FERMT3: variants seen among roughly 807,000 people sequenced by gnomAD.
The protein encoded by FERMT3 is fermitin family homolog 3.
Under a neutral mutation model 80.8 loss-of-function variants are expected in FERMT3, and 33 were observed. The observed-to-expected ratio is 0.41, with a 90% confidence interval of 0.31 to 0.55. The LOEUF is 0.55. Among genes scored for constraint, FERMT3 ranks in the 20% least tolerant of loss-of-function variants. FERMT3 has a pLI of 0.31. For synonymous variants in FERMT3, 375 were observed against 372.2 expected (o/e 1.01, Z -0.09); for missense variants, 754 against 908.7 (o/e 0.83, Z 2.19).
At chr11:64,222,132 G>A (rs557129357) in intron 13 of FERMT3, among the ~76,000 whole-genome samples, 6 of 149,292 alleles carry the variant, frequency 4.0e-5, no homozygotes, top group South Asian at 2.1e-4. Flanking sequence ...CCAGCTACTC[G>A]GGAGGCTGAG....
Position 64,206,783 on chromosome 11 carries a change from C to G in FERMT3, c.-46C>G, listed in dbSNP as rs1946319183. 1 of 154,348 alleles carries G rather than the reference C, an allele frequency of 6.5e-6. No homozygotes were observed. The highest frequency in any genetic ancestry group is 1.8e-4 in the South Asian group (1 of 5,434). 9.6% of individuals were successfully genotyped at this position (154,348 alleles called of 1,614,324 possible). Reference sequence around the variant, plus strand: ...GGCCCACAGGGGTGTAGCCCGAGACCCACCTGCAGCCCCCAGCCCTTGCCA... The same window carrying G: ...GGCCCACAGGGGTGTAGCCCGAGACGCACCTGCAGCCCCCAGCCCTTGCCA... On this transcript the variant is annotated 5_prime_UTR_variant, in exon 1 of 15. Transcript: ENST00000345728.
Position 64,219,633 on chromosome 11 carries a change from A to G in FERMT3, c.1004A>G (p.Glu335Gly). The G allele has an allele frequency of 6.2e-7, 1 of 1,613,234 alleles. No individual in the cohort carries two copies. Among genetic ancestry groups the G allele is most frequent in the Non-Finnish European group, 8.5e-7 (1 of 1,179,926 alleles). Residue 335 changes from glutamate (E) to glycine (G), a missense_variant, in exon 8 of 15, where the codon GAG becomes GGG. Physicochemically the swap from Glu to Gly is moderately conservative, Grantham distance 98 (BLOSUM62 -2). Coordinates refer to ENST00000345728, the MANE Select transcript of FERMT3 (RefSeq NM_031471.6). This position sits in a 1 kb window ranked among gnomAD's most constrained non-coding sequence, Gnocchi z 4.0. ...VALSNLEVKLEGSAPTDVLDS... is the reference protein window; with the variant it reads ...VALSNLEVKLGGSAPTDVLDS... ...CTGAGCAACCTGGAGGTGAAGCTGG[A>G]GGGGTCGGCGCCCACAGATGTGCTG...
intron 10 of FERMT3, 81 bp downstream of exon 10, chr11:64,220,096 T>C (rs1946644404): frequency 1.9e-6 from 3 of 1,592,842 alleles, no homozygotes; most frequent in Non-Finnish European, 1.7e-6. Context: ...CGGCCCTGTT[T>C]CCTCCTGGAG....
At position 64,210,057 on chromosome 11, in the gene FERMT3, T is replaced by G. The variant is rs2134839109; in HGVS notation, c.161-554T>G. 6.6e-6 allele frequency among the ~76,000 whole-genome samples: 1 copy of G among 152,324 alleles called. No homozygotes were observed. Among genetic ancestry groups the G allele is most frequent in the South Asian group, 2.1e-4 (1 of 4,824 alleles). ...TGGGAGGCCTTGTTCCGTGTCCCAG[T>G]TTGTAAGATCGTTATTGTATCTTAC... is the stretch of plus-strand genomic sequence containing the variant. On this transcript the variant is annotated intron_variant, in intron 2 of 14. Transcript: ENST00000345728. The surrounding 1 kb of genome is among the most constrained non-coding windows in gnomAD (Gnocchi z 4.3).
intron 6 of FERMT3, among the ~76,000 whole-genome samples, chr11:64,216,860 G>C (rs1468878935): frequency 6.6e-6 from 1 of 151,398 alleles, no homozygotes; most frequent in Non-Finnish European, 1.5e-5. Flanking sequence ...ACTCTACAAG[G>C]ATTTTGATTC....
rs762262911 is a variant in FERMT3, at chr11:64,219,610, G to C, written c.981G>C (p.Leu327=). 2 of 1,613,042 alleles carry C rather than the reference G, an allele frequency of 1.2e-6. No homozygotes were observed. The highest frequency in any genetic ancestry group is 4.5e-5 in the East Asian group (2 of 44,870). ...GGCTGGACGACCTGGATGTGGCCCT[G>C]AGCAACCTGGAGGTGAAGCTGGAGG... ...DPGLDDLDVA[L]SNLEVKLEGS... is the part of the protein sequence containing the mutation. Residue 327 remains leucine (L), a synonymous_variant, in exon 8 of 15, where the codon CTG becomes CTC. Transcript: ENST00000345728. This position sits in a 1 kb window ranked among gnomAD's most constrained non-coding sequence, Gnocchi z 4.0.
rs202127659 is a variant in FERMT3 at position 64,223,387 on chromosome 11, G to A, written c.1887G>A (p.Glu629=). 1.2e-6 allele frequency: 2 copies of A among 1,614,012 alleles called. No individual in the cohort carries two copies. The highest frequency in any genetic ancestry group is 2.2e-5 in the East Asian group (1 of 44,888). ...CVSASCRIVH[E]YIGGYIFLST... is the part of the protein sequence containing the mutation. ...CTGCCAGCTGCCGAATTGTACACGAGTATATCGGGGGCTACATTTTCCTGT... is the reference window on the plus strand; with the variant it reads ...CTGCCAGCTGCCGAATTGTACACGAATATATCGGGGGCTACATTTTCCTGT... Residue 629 remains glutamate (E), a synonymous_variant, in exon 15 of 15, where the codon GAG becomes GAA. Coordinates refer to ENST00000345728, the MANE Select transcript of FERMT3 (RefSeq NM_031471.6).
At position 64,211,613 on chromosome 11, in the gene FERMT3, C is replaced by A. The variant is rs1323121570; in HGVS notation, c.684-32C>A. The A allele has an allele frequency of 1.2e-6, 2 of 1,609,290 alleles. No individual in the cohort carries two copies. The highest frequency in any genetic ancestry group is 1.7e-6 in the Non-Finnish European group (2 of 1,178,260). Reference sequence around the variant, plus strand: ...CCCCACCCCACGGCCGTACCTGGCGCAGCCCTGACTGCTGCTTCTGCCGCG... The same window carrying A: ...CCCCACCCCACGGCCGTACCTGGCGAAGCCCTGACTGCTGCTTCTGCCGCG... On this transcript the variant is annotated intron_variant, in intron 5 of 14. Coordinates refer to ENST00000345728, the MANE Select transcript of FERMT3 (RefSeq NM_031471.6). The surrounding 1 kb of genome is among the most constrained non-coding windows in gnomAD (Gnocchi z 4.7).
In FERMT3 at chr11:64,219,651, A is replaced by G; in HGVS notation, c.1022A>G (p.Asp341Gly). The G allele has an allele frequency of 6.2e-7, 1 of 1,613,524 alleles. No individual in the cohort carries two copies. The highest frequency in any genetic ancestry group is 8.5e-7 in the Non-Finnish European group (1 of 1,179,922). Reference protein sequence around the residue: ...EVKLEGSAPTDVLDSLTTIPE... With the variant: ...EVKLEGSAPTGVLDSLTTIPE... ...AAGCTGGAGGGGTCGGCGCCCACAGATGTGCTGGTGAGGAGGGGCTCAGGG... is the reference window on the plus strand; with the variant it reads ...AAGCTGGAGGGGTCGGCGCCCACAGGTGTGCTGGTGAGGAGGGGCTCAGGG... The change falls in exon 8 of 15, where the codon GAT becomes GGT. Residue 341 changes from aspartate to glycine, a missense_variant. By Grantham distance (94) the Asp-to-Gly change is moderately conservative. Coordinates refer to ENST00000345728, the MANE Select transcript of FERMT3 (RefSeq NM_031471.6). This position sits in a 1 kb window ranked among gnomAD's most constrained non-coding sequence, Gnocchi z 4.0.
chr11:64,211,586 C>T lies in FERMT3; in HGVS notation c.684-59C>T. On this transcript the variant is annotated intron_variant, in intron 5 of 14. Transcript: ENST00000345728. The surrounding 1 kb of genome is among the most constrained non-coding windows in gnomAD (Gnocchi z 4.7). ...TGCTTGTCCCCCCAGCCCAGCCCCC[C>T]TCCCCACCCCACGGCCGTACCTGGC... The T allele has an allele frequency of 2.5e-6, 4 of 1,573,110 alleles. No homozygotes were observed. The highest frequency in any genetic ancestry group is 2.6e-6 in the Non-Finnish European group (3 of 1,156,930).
Position 64,219,956 on chromosome 11 carries a change from C to G in FERMT3, c.1145C>G (p.Ser382Cys), listed in dbSNP as rs764597213. Residue 382 changes from serine (S) to cysteine (C), a missense_variant, in exon 10 of 15, where the codon TCC (serine) becomes TGC (cysteine). Coordinates refer to ENST00000345728, the MANE Select transcript of FERMT3 (RefSeq NM_031471.6). This position sits in a 1 kb window ranked among gnomAD's most constrained non-coding sequence, Gnocchi z 4.0. ...GTGGTGTTCAAGGAGACCACACTGT[C>G]CTACTACAAGAGCCAGGACGAGGCC... ...HWVVFKETTL[S>C]YYKSQDEAPG... 4.3e-6 allele frequency: 7 copies of G among 1,613,880 alleles called. No homozygotes were observed. The highest frequency in any genetic ancestry group is 5.9e-6 in the Non-Finnish European group (7 of 1,180,018).
intron 6 of FERMT3, among the ~76,000 whole-genome samples, chr11:64,218,370 T>TA (rs1946598388): frequency 6.6e-6 from 1 of 152,016 alleles, no homozygotes; most frequent in African/African-American, 2.4e-5. Flanking sequence ...ATGGTGCAAT[T>TA]ACAGCTCACT....
rs1946410942 is a variant in FERMT3 at position 64,210,457 on chromosome 11, TG to T, written c.161-150del. On this transcript the variant is annotated intron_variant, in intron 2 of 14. Coordinates refer to ENST00000345728, the MANE Select transcript of FERMT3 (RefSeq NM_031471.6). The surrounding 1 kb of genome is among the most constrained non-coding windows in gnomAD (Gnocchi z 4.3). ...GCAGAGAGCCCTGCTGCTGTTACCA[TG>T]GGGTAGACCCCAGGCCCGCCCAGGC... 6.6e-6 allele frequency among the ~76,000 whole-genome samples: 1 copy of T among 152,160 alleles called. No homozygotes were observed. The highest frequency in any genetic ancestry group is 1.9e-4 in the East Asian group (1 of 5,180).
At chr11:64,214,705 C>G (rs1946514978) in intron 6 of FERMT3, among the ~76,000 whole-genome samples, 1 of 151,986 alleles carries the variant, frequency 6.6e-6, no homozygotes, top group Non-Finnish European at 1.5e-5. Flanking sequence ...TCTCCGGAGA[C>G]CTCTTCAACT....
In FERMT3 at chr11:64,220,621, C is replaced by G. The variant is rs1400489114; in HGVS notation, c.1497C>G (p.Pro499=). 15 of 1,611,574 alleles carry G rather than the reference C, an allele frequency of 9.3e-6. No individual in the cohort carries two copies. Among genetic ancestry groups the G allele is most frequent in the Non-Finnish European group, 1.3e-5 (15 of 1,179,390 alleles). The part of the protein sequence containing the change: ...GPDASAEGLN[P]YGLVAPRFQR... ...ATGCCTCTGCCGAGGGCCTCAACCC[C>G]TACGGCCTCGTTGCCCCCCGTTTCC... The change falls in exon 12 of 15, where the codon CCC becomes CCG. Residue 499 remains proline, a synonymous_variant. Transcript: ENST00000345728.
chr11:64,213,752 G>C (rs772794911), intron 6 of FERMT3, among the ~76,000 whole-genome samples: 3 of 143,998 alleles, frequency 2.1e-5, no homozygotes, highest in Non-Finnish European at 4.6e-5. Context: ...GAGATGGACG[G>C]GGTTTCTCCA....
At position 64,211,683 on chromosome 11, in the gene FERMT3, T is replaced by TA; in HGVS notation, c.722_723insA (p.Lys242GlnfsTer32). 1 of 1,614,160 alleles carries TA rather than the reference T, an allele frequency of 6.2e-7. No homozygotes were observed. Among genetic ancestry groups the TA allele is most frequent in the East Asian group, 2.2e-5 (1 of 44,882 alleles). On this transcript the variant is annotated frameshift_variant, in exon 6 of 15. Transcript: ENST00000345728. LOFTEE classifies it high-confidence loss of function. The surrounding 1 kb of genome is among the most constrained non-coding windows in gnomAD (Gnocchi z 4.7). Reference sequence around the variant, plus strand: ...TCGCGGTGTCTCATGCAGCAGGGCATCAAGGCCGGGGACGCACTCTGGCTG... The same window carrying TA: ...TCGCGGTGTCTCATGCAGCAGGGCATACAAGGCCGGGGACGCACTCTGGCTG...
In FERMT3 at chr11:64,210,572, G is replaced by A; in HGVS notation, c.161-39G>A. ...TGTGCTGGGTGTTGGGGGCACCAGGGAGGAAGGTTGGACCCAGATGTGCCC... is the reference window on the plus strand; with the variant it reads ...TGTGCTGGGTGTTGGGGGCACCAGGAAGGAAGGTTGGACCCAGATGTGCCC... On this transcript the variant is annotated intron_variant, in intron 2 of 14. Coordinates refer to ENST00000345728, the MANE Select transcript of FERMT3 (RefSeq NM_031471.6). The surrounding 1 kb of genome is among the most constrained non-coding windows in gnomAD (Gnocchi z 4.3). 1 of 1,592,518 alleles carries A rather than the reference G, an allele frequency of 6.3e-7. No individual in the cohort carries two copies. Among genetic ancestry groups the A allele is most frequent in the Non-Finnish European group, 8.6e-7 (1 of 1,160,922 alleles).
chr11:64,218,240 G>A (rs1354871365), intron 6 of FERMT3, among the ~76,000 whole-genome samples: 6 of 151,998 alleles, frequency 3.9e-5, no homozygotes, highest in Admixed American at 2.0e-4. Context: ...TCCTGACCTC[G>A]TGATCCACCG....
Sources: allele counts gnomAD v4.1 joint callset (sites outside exome capture counted in the v4.1 genomes callset), GRCh38; gene constraint gnomAD v4.1.1; non-coding constraint Gnocchi (gnomAD v3.1); transcripts MANE v1.5; gene names NCBI Gene and HGNC (gene_info 2026-07-23, HGNC 2026-07-21).